KPNA3: variants seen among roughly 807,000 people sequenced by gnomAD.
The protein encoded by KPNA3 is karyopherin subunit alpha 3, also known as importin subunit alpha-4.
KPNA3 carries 13 observed loss-of-function variants against 73.8 expected under a neutral mutation model. The ratio of observed to expected loss-of-function variants is 0.18; its 90% CI spans 0.11 to 0.28. The LOEUF is 0.28. Ranked by LOEUF, KPNA3 falls within the 10% of genes least tolerant of loss-of-function variation. The probability of loss-of-function intolerance (pLI) is 1.00; values close to 1 mark genes in which losing one functional copy is unlikely to be tolerated. For missense variants in KPNA3, 360 were observed against 618.1 expected (o/e 0.58, Z 4.43); for synonymous variants, 186 against 206.9 (o/e 0.90, Z 0.87).
chr13:49,705,322 G>A (rs1954197006), intron 15 of KPNA3, among the ~76,000 whole-genome samples: 1 of 149,352 alleles, frequency 6.7e-6, no homozygotes, highest in African/African-American at 2.5e-5. Flanking sequence ...TTGTGCCACT[G>A]CACTCCAGCC....
chr13:49,782,781 G>A (rs1443002576), intron 1 of KPNA3, among the ~76,000 whole-genome samples: 5 of 151,688 alleles, frequency 3.3e-5, no homozygotes, highest in African/African-American at 7.3e-5. Flanking sequence ...AGGATCACTC[G>A]AGCCTGGGAA....
At chr13:49,730,598 ATTTATTTATTTAT>A (rs1325928580) in intron 6 of KPNA3, among the ~76,000 whole-genome samples, 160 of 146,298 alleles carry the variant, frequency 1.1e-3, no homozygotes, top group African/African-American at 3.9e-3. Flanking sequence ...AATAGAACTT[ATTTATTTATTTAT>A]TTTATTTTAT....
intron 1 of KPNA3, 52 bp from the exon 2 acceptor site, chr13:49,747,045 G>T: frequency 7.4e-7 from 1 of 1,348,482 alleles, no homozygotes; most frequent in Non-Finnish European, 1.1e-6. Context: ...GACACTGCTA[G>T]TATATAAAGA....
intron 6 of KPNA3, among the ~76,000 whole-genome samples, chr13:49,728,581 G>A (rs1369139467): frequency 6.6e-6 from 1 of 152,154 alleles, no homozygotes; most frequent in Non-Finnish European, 1.5e-5. Flanking sequence ...GATGAAACAT[G>A]GCTTTCCCAG....
At chr13:49,745,583 C>G (rs989685918) in intron 2 of KPNA3, among the ~76,000 whole-genome samples, 1 of 151,890 alleles carries the variant, frequency 6.6e-6, no homozygotes, top group African/African-American at 2.4e-5. Context: ...GTCTCGAACT[C>G]TTGACCTCAG....
At chr13:49,761,197 G>T (rs1954756205) in intron 1 of KPNA3, among the ~76,000 whole-genome samples, 1 of 151,760 alleles carries the variant, frequency 6.6e-6, no homozygotes, top group African/African-American at 2.4e-5. Context: ...TAGAGAAGAG[G>T]GTCCCTCTCC....
chr13:49,744,229 A>G (rs1594446855), intron 2 of KPNA3, among the ~76,000 whole-genome samples: 1 of 96,602 alleles, frequency 1.0e-5, no homozygotes, highest in African/African-American at 3.1e-5. Context: ...GTGAAAAAGA[A>G]AAAAAGTTTA....
chr13:49,714,630 TCAGA>T (rs916123587), intron 10 of KPNA3, among the ~76,000 whole-genome samples: 7 of 152,050 alleles, frequency 4.6e-5, no homozygotes, highest in Admixed American at 2.0e-4. Flanking sequence ...TCTTCAAAGG[TCAGA>T]CAGACTTGAT....
chr13:49,703,732 A>G (rs1954174326), intron 15 of KPNA3, among the ~76,000 whole-genome samples: 1 of 152,162 alleles, frequency 6.6e-6, no homozygotes, highest in Admixed American at 6.5e-5. Flanking sequence ...TATTTCCAAT[A>G]TATTTACTCC....
chr13:49,790,588 G>A (rs573901861), intron 1 of KPNA3, among the ~76,000 whole-genome samples: 1 of 152,356 alleles, frequency 6.6e-6, no homozygotes, highest in East Asian at 1.9e-4. Flanking sequence ...CCATTTGAAT[G>A]TCTATTTCAT....
chr13:49,725,504 G>GT lies in KPNA3; in HGVS notation c.384-4dup. 6.3e-7 allele frequency: 1 copy of GT among 1,580,530 alleles called. No homozygotes were observed. Among genetic ancestry groups the GT allele is most frequent in the Non-Finnish European group, 8.6e-7 (1 of 1,156,086 alleles). On this transcript the variant is annotated splice_polypyrimidine_tract_variant and splice_region_variant and intron_variant, in intron 6 of 16. Coordinates refer to ENST00000261667, the MANE Select transcript of KPNA3 (RefSeq NM_002267.4). The stretch of plus-strand genomic sequence containing the variant: ...CAGCTTCAAACTGTAATGAAGGACT[G>GT]TAAAAAAACAATAACACATCTTTTT...
chr13:49,728,284 C>T lies in KPNA3; in HGVS notation c.384-2783G>A, dbSNP rs1012663611. 1.1e-4 allele frequency among the ~76,000 whole-genome samples: 16 copies of T among 151,132 alleles called. No homozygotes were observed. The East Asian group carries it at 1.4e-3, about 13-fold the overall frequency. ...TCGATGTTGAAGATGAAATCCACAG[C>T]GGCAAACAATCAACAACAATATCTG... On this transcript the variant is annotated intron_variant, in intron 6 of 16. Transcript: ENST00000261667.
intron 2 of KPNA3, among the ~76,000 whole-genome samples, chr13:49,745,146 C>T (rs531844844): frequency 6.6e-6 from 1 of 152,160 alleles, no homozygotes; most frequent in East Asian, 1.9e-4. Context: ...CTGATGAAGA[C>T]CTTATGAATG....
chr13:49,725,278 AAG>A (rs1407190469), intron 7 of KPNA3, 136 bp downstream of exon 7: 4 of 450,434 alleles, frequency 8.9e-6, no homozygotes, highest in African/African-American at 8.1e-5. Context: ...GGCTATGAAA[AAG>A]ATATCGGTCA....
chr13:49,788,696 T>C (rs1471512708), intron 1 of KPNA3, among the ~76,000 whole-genome samples: 2 of 148,602 alleles, frequency 1.3e-5, no homozygotes, highest in African/African-American at 5.0e-5. Context: ...CACTCCACCC[T>C]TGGCGACAGA....
chr13:49,725,702 G>C (rs903452227), intron 6 of KPNA3, among the ~76,000 whole-genome samples: 3 of 150,738 alleles, frequency 2.0e-5, no homozygotes, highest in African/African-American at 7.3e-5. Context: ...GGAGTGCAGT[G>C]GCGCCATCTT....
chr13:49,741,262 A>C (rs1489104880), intron 2 of KPNA3, among the ~76,000 whole-genome samples: 1 of 152,162 alleles, frequency 6.6e-6, no homozygotes, highest in East Asian at 1.9e-4. Flanking sequence ...AGAGTGTACA[A>C]GAGTTTCCTT....
rs552150050 is a variant in KPNA3, at chr13:49,730,921, C to T, written c.383+1450G>A. Among the ~76,000 whole-genome samples the T allele has an allele frequency of 1.4e-4, 21 of 151,246 alleles. No individual in the cohort carries two copies. In the South Asian group the frequency reaches 2.5e-3, roughly 18 times the overall value. ...CCTCCCAAGTAGCTGGGACTACATG[C>T]GCCTGCCACCACGCCCGGCTGATTT... On this transcript the variant is annotated intron_variant, in intron 6 of 16. Transcript: ENST00000261667.
At chr13:49,741,665 A>C (rs1291575145) in intron 2 of KPNA3, among the ~76,000 whole-genome samples, 1 of 152,182 alleles carries the variant, frequency 6.6e-6, no homozygotes, top group Non-Finnish European at 1.5e-5. Flanking sequence ...CGTGTTACCC[A>C]GGATGGTCTT....
Sources: allele counts gnomAD v4.1 joint callset (sites outside exome capture counted in the v4.1 genomes callset), GRCh38; gene constraint gnomAD v4.1.1; transcripts MANE v1.5; gene names NCBI Gene and HGNC (gene_info 2026-07-23, HGNC 2026-07-21).